LTN1: variants seen among roughly 807,000 people sequenced by gnomAD.
The protein encoded by LTN1 is listerin E3 ubiquitin protein ligase 1, also known as E3 ubiquitin-protein ligase listerin.
A neutral mutation model predicts 201.2 loss-of-function variants in LTN1; 88 were observed. The ratio of observed to expected loss-of-function variants is 0.44; its 90% CI spans 0.37 to 0.52. LTN1 has a LOEUF of 0.52. LTN1 is among the 20% of genes least tolerant of loss of function. The pLI, the probability that LTN1 is intolerant of heterozygous loss-of-function variation, is 0.00. For missense variants in LTN1, 1,752 were observed against 2,038.7 expected (o/e 0.86, Z 2.71); for synonymous variants, 645 against 713.5 (o/e 0.90, Z 1.53).
intron 4 of LTN1, among the ~76,000 whole-genome samples, chr21:28,983,468 A>G (rs2084674051): frequency 6.6e-6 from 1 of 152,230 alleles, no homozygotes. Flanking sequence ...GATTAAAGCT[A>G]CAAACCCTCT....
Position 28,970,703 on chromosome 21 carries a change from GA to G in LTN1, c.1023del (p.Lys343SerfsTer5). 6.2e-7 allele frequency: 1 copy of G among 1,613,868 alleles called. No individual in the cohort carries two copies. Reference sequence around the variant, plus strand: ...TCACGAATCACAGTTGATAGCTTGGGAAACACACTCTTTTTTGCATTTACAT... The same window carrying G: ...TCACGAATCACAGTTGATAGCTTGGGAACACACTCTTTTTTGCATTTACAT... ...WLHVNAKKSV[F>X]PKLSTVIREG... On this transcript the variant is annotated frameshift_variant, in exon 8 of 30. Transcript: ENST00000361371. LOFTEE classifies it high-confidence loss of function.
chr21:28,964,841 A>G (rs905010582), intron 11 of LTN1: 18 of 1,427,120 alleles, frequency 1.3e-5, no homozygotes, highest in Admixed American at 2.6e-5. Context: ...AAGGCTTATC[A>G]AGGAGCTTTC....
intron 25 of LTN1, among the ~76,000 whole-genome samples, chr21:28,940,461 A>T (rs1346089345): frequency 6.6e-6 from 1 of 152,218 alleles, no homozygotes; most frequent in African/African-American, 2.4e-5. Context: ...ATTATTACAT[A>T]GGTAATGTTT....
chr21:28,941,256 T>C lies in LTN1; in HGVS notation c.4446A>G (p.Lys1482=). ...CYVLGYLLTW[K]LILTFFKAAS... ...CAGCTTTGAAGAAAGTTAGTATTAA[T>C]TTCCAAGTGAGAAGGTATCCCAGAA... The change falls in exon 25 of 30, where the codon AAA becomes AAG. Residue 1482 remains lysine (K), a synonymous_variant. Transcript: ENST00000361371. 5 of 1,611,516 alleles carry C rather than the reference T, an allele frequency of 3.1e-6. No individual in the cohort carries two copies. Among genetic ancestry groups the C allele is most frequent in the Non-Finnish European group, 3.4e-6 (4 of 1,179,280 alleles).
chr21:28,957,235 T>G, intron 15 of LTN1, 97 bp downstream of exon 15: 3 of 1,242,756 alleles, frequency 2.4e-6, no homozygotes, highest in Non-Finnish European at 3.3e-6. Context: ...AAAATACTCA[T>G]TTTATTTATG....
chr21:28,946,227 C>G lies in LTN1; in HGVS notation c.3548G>C (p.Gly1183Ala), dbSNP rs143802793. 2,188 of 1,590,592 alleles carry G rather than the reference C, an allele frequency of 1.4e-3. 30 individuals are homozygous for G. The African/African-American group carries it at 0.027, about 19-fold the overall frequency. The change falls in exon 20 of 30, where the codon GGA becomes GCA. Residue 1183 changes from glycine to alanine, a missense_variant. Gly to Ala is a moderately conservative substitution (Grantham distance 60). This residue lies in a region of LTN1 where 1,211 missense variants were observed against 1,312.8 expected (regional missense o/e 0.92). Transcript: ENST00000361371. ...SCLQTKSIDD[G>A]ELLHGILKII... Reference sequence around the variant, plus strand: ...TTTTAATATTCCATGTAATAGCTCTCCATCATCTATACTTTTGGTTTGCAG... The same window carrying G: ...TTTTAATATTCCATGTAATAGCTCTGCATCATCTATACTTTTGGTTTGCAG...
chr21:28,955,092 G>T (rs759070650), intron 16 of LTN1, among the ~76,000 whole-genome samples: 27 of 151,376 alleles, frequency 1.8e-4, no homozygotes, highest in Non-Finnish European at 2.1e-4. Flanking sequence ...CGGCAAGAAA[G>T]GAAAAAAAAA....
Position 28,953,214 on chromosome 21 carries a change from T to C in LTN1, c.3239+3A>G. ...TTAAAAACAAATTGAAAGAGATTCTTACCTGTTAAATAACAGCTGCAAAAG... is the reference window on the plus strand; with the variant it reads ...TTAAAAACAAATTGAAAGAGATTCTCACCTGTTAAATAACAGCTGCAAAAG... On this transcript the variant is annotated splice_donor_region_variant and intron_variant, in intron 17 of 29. Coordinates refer to ENST00000361371, the MANE Select transcript of LTN1 (RefSeq NM_015565.3). 1 of 1,556,052 alleles carries C rather than the reference T, an allele frequency of 6.4e-7. No homozygotes were observed. Among genetic ancestry groups the C allele is most frequent in the Non-Finnish European group, 8.6e-7 (1 of 1,158,412 alleles).
intron 19 of LTN1, among the ~76,000 whole-genome samples, chr21:28,946,952 C>T (rs1243263203): frequency 2.6e-5 from 4 of 152,190 alleles, no homozygotes; most frequent in Non-Finnish European, 5.9e-5. Context: ...TGTGAAATTG[C>T]CACTAACACC....
intron 29 of LTN1, 89 bp downstream of exon 29, chr21:28,931,066 G>GGGTGT (rs549637634): frequency 1.9e-6 from 1 of 522,032 alleles, no homozygotes; most frequent in East Asian, 3.8e-5. Context: ...ACATTGTGTA[G>GGGTGT]GTGTGTGTGT....
intron 4 of LTN1, among the ~76,000 whole-genome samples, chr21:28,983,590 G>A (rs2146316117): frequency 6.6e-6 from 1 of 152,288 alleles, no homozygotes. Context: ...ATTAGATAGG[G>A]AAGCAGGGAC....
rs952904809 is a variant in LTN1 at position 28,930,370 on chromosome 21, C to T, written c.*78G>A. ...AAAGTAATGCTCACTGGCTTCCCCA[C>T]ATCCACACTTTCAGACGGATCCAAA... On this transcript the variant is annotated 3_prime_UTR_variant, in exon 30 of 30. Coordinates refer to ENST00000361371, the MANE Select transcript of LTN1 (RefSeq NM_015565.3). 7.4e-6 allele frequency: 8 copies of T among 1,075,050 alleles called. No individual in the cohort carries two copies. The African/African-American group carries it at 1.1e-4, about 15-fold the overall frequency. 66.6% of individuals were successfully genotyped at this position (1,075,050 alleles called of 1,614,324 possible). A position where few individuals can be genotyped will look rare whatever the true frequency, so the allele number is the denominator to read the frequency against.
intron 6 of LTN1, among the ~76,000 whole-genome samples, chr21:28,979,246 G>A (rs1454352412): frequency 1.3e-5 from 2 of 152,204 alleles, no homozygotes; most frequent in African/African-American, 4.8e-5. Context: ...CTTCAGGAGA[G>A]CAATCTGGCA....
At chr21:28,933,068 C>G (rs2084224288) in intron 27 of LTN1, among the ~76,000 whole-genome samples, 1 of 152,168 alleles carries the variant, frequency 6.6e-6, no homozygotes, top group Non-Finnish European at 1.5e-5. Flanking sequence ...TTGGAGCCAA[C>G]TATCAACTGT....
Position 28,969,486 on chromosome 21 carries a change from G to T in LTN1, c.1291C>A (p.Gln431Lys). Residue 431 changes from glutamine to lysine, a missense_variant, in exon 9 of 30, where the codon CAG becomes AAG. Physicochemically the swap from Gln to Lys is moderately conservative, Grantham distance 53. Transcript: ENST00000361371. Reference protein sequence around the residue: ...QQNLGEEEIEQMLVNDQLIPF... With the variant: ...QQNLGEEEIEKMLVNDQLIPF... ...GATACCTGATCATTGACGAGCATCTGTTCAATCTCTTCCTCACCTAAGTTT... is the reference window on the plus strand; with the variant it reads ...GATACCTGATCATTGACGAGCATCTTTTCAATCTCTTCCTCACCTAAGTTT... The T allele has an allele frequency of 6.2e-7, 1 of 1,611,354 alleles. No homozygotes were observed. Among genetic ancestry groups the T allele is most frequent in the South Asian group, 1.1e-5 (1 of 90,496 alleles).
Position 28,970,742 on chromosome 21 carries a change from C to T in LTN1, c.985G>A (p.Asp329Asn), listed in dbSNP as rs755351368. Residue 329 changes from aspartate to asparagine, a missense_variant and splice_region_variant, in exon 8 of 30, where the codon GAC becomes AAC. Physicochemically the swap from Asp to Asn is conservative, Grantham distance 23. Around this residue, in one of 3 missense-constraint regions of LTN1, gnomAD observed 1,211 missense variants for 1,312.8 expected, o/e 0.92. Coordinates refer to ENST00000361371, the MANE Select transcript of LTN1 (RefSeq NM_015565.3). Reference sequence around the variant, plus strand: ...TTTGCATTTACATGAAGCCAACAGTCCTAACCAAACAAAAGATTATAGTAG... The same window carrying T: ...TTTGCATTTACATGAAGCCAACAGTTCTAACCAAACAAAAGATTATAGTAG... ...AVLYTLTTIE[D>N]CWLHVNAKKS... 6.2e-7 allele frequency: 1 copy of T among 1,609,230 alleles called. No individual in the cohort carries two copies. Among genetic ancestry groups the T allele is most frequent in the South Asian group, 1.1e-5 (1 of 90,522 alleles).
rs2084191264 is a variant in LTN1, at chr21:28,929,103, G to A, written c.*1345C>T. On this transcript the variant is annotated 3_prime_UTR_variant, in exon 30 of 30. Coordinates refer to ENST00000361371, the MANE Select transcript of LTN1 (RefSeq NM_015565.3). ...CTGCATCTATAAATATAATTCGAGA[G>A]ATCTATAACTCACACATAGTACTTC... 1.3e-5 allele frequency: 2 copies of A among 152,566 alleles called. No homozygotes were observed. The highest frequency in any genetic ancestry group is 1.9e-4 in the East Asian group (1 of 5,178). The allele number at this position is 152,566 out of a possible 1,614,324, so 9.5% of individuals were successfully genotyped here. A position where few individuals can be genotyped will look rare whatever the true frequency, so the allele number is the denominator to read the frequency against.
At chr21:28,978,525 C>A (rs1418157296) in intron 6 of LTN1, among the ~76,000 whole-genome samples, 2 of 152,126 alleles carry the variant, frequency 1.3e-5, no homozygotes, top group African/African-American at 4.8e-5. Context: ...GGTAAAACTG[C>A]ATATAAAGCC....
In LTN1 at chr21:28,992,806, G is replaced by T. The variant is rs775697379; in HGVS notation, c.-1C>A. 2.6e-5 allele frequency: 42 copies of T among 1,614,080 alleles called. No individual in the cohort carries two copies. In the East Asian group the frequency reaches 9.1e-4, roughly 35 times the overall value. On this transcript the variant is annotated 5_prime_UTR_variant, in exon 1 of 30. Transcript: ENST00000361371. ...TTCGCTGCTTGTTCTTCCCGCCCAT[G>T]GTCGCGGTTGCAGCTGTACTCTGAG...
Sources: allele counts gnomAD v4.1 joint callset (sites outside exome capture counted in the v4.1 genomes callset), GRCh38; gene constraint gnomAD v4.1.1; regional missense constraint gnomAD v4.1.1; transcripts MANE v1.5; gene names NCBI Gene and HGNC (gene_info 2026-07-23, HGNC 2026-07-21).